RSU1: variants seen among roughly 807,000 people sequenced by gnomAD.
RSU1 encodes Ras suppressor protein 1.
RSU1 carries 26 observed loss-of-function variants against 31.1 expected under a neutral mutation model. The ratio of observed to expected loss-of-function variants is 0.84; its 90% confidence interval spans 0.61 to 1.16. The LOEUF (loss-of-function observed/expected upper bound fraction) is 1.16. Ranked by LOEUF, RSU1 falls within the 50% of genes most tolerant of loss-of-function variation. The pLI is 0.00. For synonymous variants in RSU1, 164 were observed against 136.3 expected (o/e 1.20, Z -1.41); for missense variants, 320 against 339.1 (o/e 0.94, Z 0.44).
intron 7 of RSU1, among the ~76,000 whole-genome samples, chr10:16,718,318 C>T (rs948768104): frequency 3.3e-5 from 5 of 152,096 alleles, no homozygotes; most frequent in Non-Finnish European, 5.9e-5. Context: ...AAAGGGTACA[C>T]AGAATTTATA....
At chr10:16,709,362 A>T (rs1295975441) in intron 7 of RSU1, among the ~76,000 whole-genome samples, 1 of 152,194 alleles carries the variant, frequency 6.6e-6, no homozygotes, top group Non-Finnish European at 1.5e-5. Context: ...TCCATGGTGT[A>T]TATGTGCCAC....
At chr10:16,613,813 C>CAAAAA (rs549546726) in intron 8 of RSU1, among the ~76,000 whole-genome samples, 2 of 140,376 alleles carry the variant, frequency 1.4e-5, no homozygotes, top group Admixed American at 7.0e-5. Flanking sequence ...AAAAAAAAAA[C>CAAAAA]AAAAAAAACA....
intron 8 of RSU1, among the ~76,000 whole-genome samples, chr10:16,602,157 A>C (rs1833724037): frequency 6.6e-6 from 1 of 152,080 alleles, no homozygotes; most frequent in Non-Finnish European, 1.5e-5. Context: ...GAAGACTTTC[A>C]CAGCTTCCTC....
chr10:16,636,915 T>C (rs1321041150), intron 8 of RSU1, among the ~76,000 whole-genome samples: 1 of 152,230 alleles, frequency 6.6e-6, no homozygotes, highest in Non-Finnish European at 1.5e-5. Context: ...ATCTGTTCAC[T>C]GTTTGTCTCC....
At chr10:16,717,826 A>T (rs962219422) in intron 7 of RSU1, among the ~76,000 whole-genome samples, 1 of 152,124 alleles carries the variant, frequency 6.6e-6, no homozygotes, top group African/African-American at 2.4e-5. Context: ...GCAACTTACC[A>T]GTCCTAACAC....
intron 7 of RSU1, among the ~76,000 whole-genome samples, chr10:16,731,123 C>T (rs1836503766): frequency 6.6e-6 from 1 of 152,158 alleles, no homozygotes; most frequent in South Asian, 2.1e-4. Flanking sequence ...CTTGTAAATG[C>T]AATCTTATAA....
intron 4 of RSU1, among the ~76,000 whole-genome samples, chr10:16,760,933 C>T (rs997627344): frequency 2.6e-5 from 4 of 151,976 alleles, no homozygotes; most frequent in African/African-American, 9.7e-5. Context: ...AATTGGAGCT[C>T]GTTTATTTAT....
chr10:16,624,472 T>C (rs775242731), intron 8 of RSU1, among the ~76,000 whole-genome samples: 10 of 152,130 alleles, frequency 6.6e-5, no homozygotes, highest in Non-Finnish European at 1.5e-4. Context: ...ATCCTCCCTC[T>C]GAACTCCAGC....
chr10:16,719,862 C>G (rs1477508080), intron 7 of RSU1, among the ~76,000 whole-genome samples: 1 of 152,240 alleles, frequency 6.6e-6, no homozygotes, highest in Admixed American at 6.5e-5. Flanking sequence ...AAATGAATAT[C>G]TAACAATTCA....
intron 4 of RSU1, among the ~76,000 whole-genome samples, chr10:16,763,507 G>C (rs1837249912): frequency 6.6e-6 from 1 of 152,214 alleles, no homozygotes; most frequent in South Asian, 2.1e-4. Flanking sequence ...AGGGGATAGT[G>C]CTAAACCATT....
rs753540722 is a variant in RSU1, at chr10:16,593,262, TAGAA to T, written c.*128_*131del. On this transcript the variant is annotated 3_prime_UTR_variant, in exon 9 of 9. Coordinates refer to ENST00000345264, the MANE Select transcript of RSU1 (RefSeq NM_012425.4). ...ATCTAAAAGGTAAGGTGGGAAGCAT[TAGAA>T]AGAGAGTGAAAAGAAAAATAAAAAA... 1.6e-4 allele frequency: 232 copies of T among 1,465,908 alleles called. No individual in the cohort carries two copies. The highest frequency in any genetic ancestry group is 2.0e-4 in the Non-Finnish European group (217 of 1,104,124). 90.8% of individuals were successfully genotyped at this position (1,465,908 alleles called of 1,614,324 possible).
chr10:16,773,944 C>T lies in RSU1; in HGVS notation c.160+8090G>A, dbSNP rs116506521. On this transcript the variant is annotated intron_variant, in intron 3 of 8. Coordinates refer to ENST00000345264, the MANE Select transcript of RSU1 (RefSeq NM_012425.4). ...AGGCAGGGGAAAAAAGCTAAAGAAC[C>T]AGCAAAAAATTAGACAAAAGAGGGT... Among the ~76,000 whole-genome samples, 260 of 151,938 alleles carry T rather than the reference C, an allele frequency of 1.7e-3. 2 individuals are homozygous for T. Among genetic ancestry groups the T allele is most frequent in the African/African-American group, 6.2e-3 (256 of 41,424 alleles).
In RSU1 at chr10:16,610,359, C is replaced by T. The variant is rs1046950690; in HGVS notation, c.732-16863G>A. On this transcript the variant is annotated intron_variant, in intron 8 of 8. Coordinates refer to ENST00000345264, the MANE Select transcript of RSU1 (RefSeq NM_012425.4). ...AAGACATTTTAAAGGCTGACGGCCCCTTTCCTGTCATCCTGGCACTTGGTT... is the reference window on the plus strand; with the variant it reads ...AAGACATTTTAAAGGCTGACGGCCCTTTTCCTGTCATCCTGGCACTTGGTT... Among the ~76,000 whole-genome samples the T allele has an allele frequency of 2.6e-5, 4 of 152,316 alleles. No individual in the cohort carries two copies. The East Asian group carries it at 7.7e-4, about 29-fold the overall frequency.
intron 8 of RSU1, among the ~76,000 whole-genome samples, chr10:16,640,573 C>A (rs1257177242): frequency 6.6e-6 from 1 of 152,252 alleles, no homozygotes; most frequent in Non-Finnish European, 1.5e-5. Flanking sequence ...TTCTGACCTT[C>A]CCTGGGACCA....
chr10:16,679,773 A>G (rs1436565926), intron 8 of RSU1, among the ~76,000 whole-genome samples: 2 of 151,092 alleles, frequency 1.3e-5, no homozygotes, highest in East Asian at 3.9e-4. Flanking sequence ...CACCATCACC[A>G]TCCTTCTGCC....
chr10:16,736,837 G>C (rs1447246580), intron 7 of RSU1, among the ~76,000 whole-genome samples: 1 of 152,150 alleles, frequency 6.6e-6, no homozygotes, highest in South Asian at 2.1e-4. Flanking sequence ...TATCTAAATT[G>C]AGAAATGAAA....
intron 5 of RSU1, among the ~76,000 whole-genome samples, chr10:16,754,224 T>G (rs919853990): frequency 5.3e-5 from 8 of 152,200 alleles, no homozygotes; most frequent in African/African-American, 1.7e-4. Context: ...AACACTGATT[T>G]AAGGGAAGCA....
chr10:16,647,236 T>C (rs998204686), intron 8 of RSU1, among the ~76,000 whole-genome samples: 1 of 152,098 alleles, frequency 6.6e-6, no homozygotes, highest in Non-Finnish European at 1.5e-5. Context: ...CCTCCCAAAG[T>C]GTTGGGATTA....
intron 6 of RSU1, 56 bp downstream of exon 6, chr10:16,752,862 C>T (rs540188748): frequency 6.9e-7 from 1 of 1,457,380 alleles, no homozygotes; most frequent in Admixed American, 1.7e-5. Context: ...TTGATTCTAC[C>T]CCTACAAGGC....
Sources: allele counts gnomAD v4.1 joint callset (sites outside exome capture counted in the v4.1 genomes callset), GRCh38; gene constraint gnomAD v4.1.1; transcripts MANE v1.5; gene names NCBI Gene and HGNC (gene_info 2026-07-23, HGNC 2026-07-21).